Variants in PHLPP2 observed in about 807,000 individuals in gnomAD.
PHLPP2 encodes PH domain and leucine rich repeat protein phosphatase 2, also known as PH domain leucine-rich repeat-containing protein phosphatase 2.
Under a neutral mutation model 124.9 loss-of-function variants are expected in PHLPP2, and 66 were observed. The ratio of observed to expected loss-of-function variants is 0.53; its 90% CI spans 0.43 to 0.65. The LOEUF (loss-of-function observed/expected upper bound fraction) is 0.65. Among genes scored for constraint, PHLPP2 ranks in the 30% least tolerant of loss-of-function variants. PHLPP2 has a pLI of 0.00. For missense variants in PHLPP2, 1,685 were observed against 1,600.4 expected (o/e 1.05, Z -0.90); for synonymous variants, 681 against 624.7 (o/e 1.09, Z -1.34).
At chr16:71,677,551 T>A (rs192540530) in intron 8 of PHLPP2, 3 of 150,448 alleles carry the variant, frequency 2.0e-5, no homozygotes, top group African/African-American at 4.9e-5. Context: ...TACACAGGTG[T>A]ATGATTTAAT....
At chr16:71,701,814 C>G (rs1321167591) in intron 3 of PHLPP2, among the ~76,000 whole-genome samples, 1 of 152,174 alleles carries the variant, frequency 6.6e-6, no homozygotes, top group African/African-American at 2.4e-5. Context: ...ACTTTTATTA[C>G]AGCATATTGC....
In PHLPP2 at chr16:71,681,824, C is replaced by T; in HGVS notation, c.817G>A (p.Asp273Asn). 1 of 1,613,928 alleles carries T rather than the reference C, an allele frequency of 6.2e-7. No homozygotes were observed. Among genetic ancestry groups the T allele is most frequent in the Non-Finnish European group, 8.5e-7 (1 of 1,179,932 alleles). Residue 273 changes from aspartate (D) to asparagine (N), a missense_variant, in exon 6 of 19, where the codon GAT becomes AAT. By Grantham distance (23) the Asp-to-Asn change is conservative. Coordinates refer to ENST00000568954, the MANE Select transcript of PHLPP2 (RefSeq NM_015020.3). ...EVPEHLFYSQ[D>N]ITYLNLRHNF... ...TGTCGCAAGTTGAGGTAGGTAATAT[C>T]TTGACTATAGAAGAGATGCTCAGGA...
At chr16:71,722,151 G>A (rs2045402402) in intron 1 of PHLPP2, among the ~76,000 whole-genome samples, 1 of 152,144 alleles carries the variant, frequency 6.6e-6, no homozygotes, top group Non-Finnish European at 1.5e-5. Flanking sequence ...ACTGTATGAG[G>A]CCGGGCGTGG....
At chr16:71,656,481 C>G (rs2044742747) in intron 16 of PHLPP2, 90 bp downstream of exon 16, 1 of 729,008 alleles carries the variant, frequency 1.4e-6, no homozygotes, top group African/African-American at 1.8e-5. Flanking sequence ...AACAGAACAA[C>G]ATGGCCTAGC....
At chr16:71,702,061 T>C (rs2045237826) in intron 3 of PHLPP2, among the ~76,000 whole-genome samples, 1 of 152,186 alleles carries the variant, frequency 6.6e-6, no homozygotes, top group South Asian at 2.1e-4. Flanking sequence ...AGCATGTTAC[T>C]GTTCCAAGTT....
At chr16:71,709,127 C>CAT (rs2045306450) in intron 2 of PHLPP2, among the ~76,000 whole-genome samples, 1 of 151,984 alleles carries the variant, frequency 6.6e-6, no homozygotes, top group South Asian at 2.1e-4. Flanking sequence ...AATTTTGTAA[C>CAT]ATATAATGCA....
chr16:71,707,202 G>A (rs987213388), intron 2 of PHLPP2, among the ~76,000 whole-genome samples: 5 of 151,846 alleles, frequency 3.3e-5, no homozygotes, highest in Admixed American at 6.6e-5. Flanking sequence ...TGATCCGCCC[G>A]CCTCGGCCTC....
At chr16:71,715,064 C>T (rs979520736) in intron 1 of PHLPP2, 68 of 457,706 alleles carry the variant, frequency 1.5e-4, no homozygotes, top group Admixed American at 5.0e-4. Flanking sequence ...TCAAGAATAA[C>T]GAAACAGCGG....
chr16:71,675,288 C>A (rs537515567), intron 9 of PHLPP2, among the ~76,000 whole-genome samples: 4 of 152,240 alleles, frequency 2.6e-5, no homozygotes, highest in African/African-American at 4.8e-5. Context: ...TTTACATTTG[C>A]ATTTTTCTGA....
At chr16:71,684,418 G>T in intron 5 of PHLPP2, 58 bp downstream of exon 5, 2 of 1,578,466 alleles carry the variant, frequency 1.3e-6, no homozygotes, top group Non-Finnish European at 1.7e-6. Flanking sequence ...GAGCCACCAC[G>T]CCCGGCCTAG....
rs375430328 is a variant in PHLPP2 at position 71,646,528 on chromosome 16, G to T, written c.*2362C>A. 3.9e-5 allele frequency: 6 copies of T among 152,110 alleles called. No homozygotes were observed. The highest frequency in any genetic ancestry group is 1.9e-4 in the East Asian group (1 of 5,186). The allele number at this position is 152,110 out of a possible 1,614,324, so 9.4% of individuals were successfully genotyped here. The stretch of plus-strand genomic sequence containing the variant: ...TGGGAAACGAATAGCAGACAAGAAG[G>T]GTTCACCATAATGAATAATTTTTAT... On this transcript the variant is annotated 3_prime_UTR_variant, in exon 19 of 19. Coordinates refer to ENST00000568954, the MANE Select transcript of PHLPP2 (RefSeq NM_015020.3).
intron 17 of PHLPP2, among the ~76,000 whole-genome samples, chr16:71,654,460 C>G (rs1336314405): frequency 6.6e-6 from 1 of 152,158 alleles, no homozygotes; most frequent in Non-Finnish European, 1.5e-5. Flanking sequence ...GTATTTTGAT[C>G]TTTTCCTGGG....
intron 3 of PHLPP2, among the ~76,000 whole-genome samples, chr16:71,693,261 T>A (rs947835481): frequency 1.1e-4 from 16 of 152,202 alleles, no homozygotes; most frequent in African/African-American, 3.6e-4. Flanking sequence ...CACTCCAGCC[T>A]GGGGGACAAA....
chr16:71,715,070 A>G (rs2045352832), intron 1 of PHLPP2: 1 of 439,378 alleles, frequency 2.3e-6, no homozygotes, highest in East Asian at 4.6e-5. Context: ...ATAACGAAAC[A>G]GCGGGTTGCA....
At position 71,681,807 on chromosome 16, in the gene PHLPP2, G is replaced by A. The variant is rs770002450; in HGVS notation, c.834C>T (p.Asn278=). The A allele has an allele frequency of 1.2e-6, 2 of 1,613,978 alleles. No homozygotes were observed. The highest frequency in any genetic ancestry group is 1.7e-6 in the Non-Finnish European group (2 of 1,179,926). Residue 278 remains asparagine, a synonymous_variant, in exon 6 of 19, where the codon AAC becomes AAT. Coordinates refer to ENST00000568954, the MANE Select transcript of PHLPP2 (RefSeq NM_015020.3). The part of the protein sequence containing the change: ...LFYSQDITYL[N]LRHNFMQLER... ...CTAACTGCATGAAGTTGTGTCGCAA[G>A]TTGAGGTAGGTAATATCTTGACTAT...
Position 71,667,266 on chromosome 16 carries a change from G to A in PHLPP2, c.1696C>T (p.Leu566=). The A allele has an allele frequency of 1.2e-6, 2 of 1,613,656 alleles. No individual in the cohort carries two copies. Among genetic ancestry groups the A allele is most frequent in the South Asian group, 1.1e-5 (1 of 91,028 alleles). ...GHNHVQNLPT[L]VEHIPLEVLD... is the part of the protein sequence containing the mutation. ...ACCTCGAGGGGGATGTGCTCTACCA[G>A]TGTTGGAAGGTTTTGCACATGATTG... Residue 566 remains leucine, a synonymous_variant, in exon 12 of 19, where the codon CTG becomes TTG. Coordinates refer to ENST00000568954, the MANE Select transcript of PHLPP2 (RefSeq NM_015020.3).
chr16:71,657,231 C>T (rs1248416792), intron 15 of PHLPP2, among the ~76,000 whole-genome samples: 1 of 152,048 alleles, frequency 6.6e-6, no homozygotes, highest in Non-Finnish European at 1.5e-5. Flanking sequence ...GTGTGAGCCA[C>T]CGCTCCCGGC....
chr16:71,676,818 G>T (rs1596999875), intron 8 of PHLPP2, 169 bp from the exon 9 acceptor site: 2 of 585,284 alleles, frequency 3.4e-6, no homozygotes, highest in East Asian at 2.9e-5. Flanking sequence ...GCGTGATCTC[G>T]GTTCACTGCA....
intron 3 of PHLPP2, among the ~76,000 whole-genome samples, chr16:71,696,818 C>G (rs1006085149): frequency 2.1e-4 from 32 of 152,174 alleles, no homozygotes; most frequent in African/African-American, 7.0e-4. Context: ...GCTCAAGCAA[C>G]AGGAATTTAA....
Sources: gnomAD v4.1 joint callset for allele counts (sites outside exome capture counted in the v4.1 genomes callset) on GRCh38, gnomAD v4.1.1 for gene constraint, MANE v1.5 for transcripts, NCBI Gene and HGNC (gene_info 2026-07-23, HGNC 2026-07-21) for gene names.